The following ENTREP2 variants were observed in gnomAD, a reference collection of about 807,000 sequenced individuals.
The protein encoded by ENTREP2 is endosomal transmembrane epsin interactor 2.
chr15:29,385,565 T>C, the ENTREP2 span, among the ~76,000 whole-genome samples: 1 of 151,998 alleles, frequency 6.6e-6, no homozygotes, highest in African/African-American at 2.4e-5. Flanking sequence ...CTCCCCTGAG[T>C]AAGAATATGA....
chr15:29,186,748 G>A, the ENTREP2 span, among the ~76,000 whole-genome samples: 1 of 152,138 alleles, frequency 6.6e-6, no homozygotes, highest in African/African-American at 2.4e-5. Flanking sequence ...TAACCTCCCA[G>A]AAGGCCTCAT....
the ENTREP2 span, among the ~76,000 whole-genome samples, chr15:29,418,611 G>T: frequency 6.6e-6 from 1 of 152,206 alleles, no homozygotes; most frequent in African/African-American, 2.4e-5. Context: ...AGGTCGGATG[G>T]AGTAGTTAGC....
At chr15:29,219,614 A>AATATATAAATAT in the ENTREP2 span, among the ~76,000 whole-genome samples, 9 of 38,402 alleles carry the variant, frequency 2.3e-4, no homozygotes, top group Admixed American at 8.2e-4. Context: ...GTGGTGCATA[A>AATATATAAATAT]ATATATATAT....
At chr15:29,542,729 C>T in the ENTREP2 span, among the ~76,000 whole-genome samples, 1 of 152,178 alleles carries the variant, frequency 6.6e-6, no homozygotes, top group Non-Finnish European at 1.5e-5. Context: ...TCCCACTGAA[C>T]ACTGCTCCCC....
chr15:29,544,478 T>C, the ENTREP2 span, among the ~76,000 whole-genome samples: 3 of 152,220 alleles, frequency 2.0e-5, no homozygotes, highest in African/African-American at 7.2e-5. Flanking sequence ...TTTAAAATTG[T>C]TAACATGGTA....
chr15:29,277,114 C>T, the ENTREP2 span, among the ~76,000 whole-genome samples: 1 of 152,102 alleles, frequency 6.6e-6, no homozygotes, highest in South Asian at 2.1e-4. Flanking sequence ...GAGGCCGGGG[C>T]AGGCAGATCA....
At chr15:29,385,660 C>T in the ENTREP2 span, among the ~76,000 whole-genome samples, 14 of 152,036 alleles carry the variant, frequency 9.2e-5, no homozygotes, top group African/African-American at 3.4e-4. Context: ...CCTTGTGAAA[C>T]CTGGCCAGGT....
the ENTREP2 span, among the ~76,000 whole-genome samples, chr15:29,660,504 GT>G: frequency 2.0e-5 from 3 of 152,044 alleles, no homozygotes; most frequent in Non-Finnish European, 4.4e-5. Flanking sequence ...TGAGTCTCAG[GT>G]ATTCTCTCAC....
At chr15:29,549,274 C>CTTTTTT in the ENTREP2 span, among the ~76,000 whole-genome samples, 4 of 144,992 alleles carry the variant, frequency 2.8e-5, no homozygotes, top group South Asian at 2.1e-4. Flanking sequence ...ATTTGTTATA[C>CTTTTTT]ATTTTTTTTT....
At chr15:29,321,331 T>C in the ENTREP2 span, among the ~76,000 whole-genome samples, 7 of 152,126 alleles carry the variant, frequency 4.6e-5, no homozygotes, top group Non-Finnish European at 1.0e-4. Context: ...CCTAGACATG[T>C]ATATCCAGCA....
the ENTREP2 span, among the ~76,000 whole-genome samples, chr15:29,190,210 T>C: frequency 6.6e-6 from 1 of 152,140 alleles, no homozygotes; most frequent in Non-Finnish European, 1.5e-5. Context: ...TCCCTCTGGC[T>C]CTACAATTCT....
chr15:29,187,997 T>A, the ENTREP2 span, among the ~76,000 whole-genome samples: 1 of 152,150 alleles, frequency 6.6e-6, no homozygotes, highest in Non-Finnish European at 1.5e-5. Flanking sequence ...CACATACTGG[T>A]CCAGGGATGG....
chr15:29,543,816 C>T, the ENTREP2 span, among the ~76,000 whole-genome samples: 1 of 151,438 alleles, frequency 6.6e-6, no homozygotes, highest in Non-Finnish European at 1.5e-5. Flanking sequence ...TTTTTCAAAC[C>T]CACAATCTGA....
chr15:29,481,178 C>T, the ENTREP2 span, among the ~76,000 whole-genome samples: 1 of 152,216 alleles, frequency 6.6e-6, no homozygotes. Context: ...GCCTGCAGGG[C>T]AGGCAGAGGC....
the ENTREP2 span, among the ~76,000 whole-genome samples, chr15:29,296,958 A>C: frequency 6.6e-6 from 1 of 152,214 alleles, no homozygotes; most frequent in Non-Finnish European, 1.5e-5. Flanking sequence ...ATTTTAATGA[A>C]GAAATATATG....
the ENTREP2 span, among the ~76,000 whole-genome samples, chr15:29,565,417 C>G: frequency 6.6e-6 from 1 of 151,768 alleles, no homozygotes; most frequent in Non-Finnish European, 1.5e-5. Flanking sequence ...GCAGTGGCAT[C>G]TCAGGCTGGA....
the ENTREP2 span, among the ~76,000 whole-genome samples, chr15:29,416,065 T>C: frequency 6.6e-6 from 1 of 152,146 alleles, no homozygotes; most frequent in Non-Finnish European, 1.5e-5. Flanking sequence ...AAAATGGCCA[T>C]AATGCCCAAG....
chr15:29,567,746 A>C, the ENTREP2 span, among the ~76,000 whole-genome samples: 1 of 152,226 alleles, frequency 6.6e-6, no homozygotes, highest in Non-Finnish European at 1.5e-5. Context: ...AGTGCTCACT[A>C]AGCATGGGCT....
At chr15:29,637,415 G>A in the ENTREP2 span, among the ~76,000 whole-genome samples, 17 of 152,158 alleles carry the variant, frequency 1.1e-4, no homozygotes, top group African/African-American at 3.6e-4. Context: ...CACCTCCCTA[G>A]ACTCATTTCT....
Sources: gnomAD v4.1 joint callset for allele counts (sites outside exome capture counted in the v4.1 genomes callset) on GRCh38, gnomAD v4.1.1 for gene constraint, MANE v1.5 for transcripts, NCBI Gene and HGNC (gene_info 2026-07-23, HGNC 2026-07-21) for gene names.